The following TESC variants were observed in gnomAD, a reference collection of about 807,000 sequenced individuals.
The protein encoded by TESC is tescalcin.
Under a neutral mutation model 31.0 loss-of-function variants are expected in TESC, and 19 were observed. The ratio of observed to expected loss-of-function variants is 0.61; its 90% CI spans 0.43 to 0.90. TESC has a LOEUF of 0.90. TESC is among the 40% of genes least tolerant of loss of function. TESC has a pLI of 0.00. For synonymous variants in TESC, 109 were observed against 114.8 expected (o/e 0.95, Z 0.32); for missense variants, 248 against 303.8 (o/e 0.82, Z 1.36).
chr12:117,049,332 G>A (rs942928541), intron 3 of TESC, among the ~76,000 whole-genome samples, 174 bp from the exon 4 acceptor site: 6 of 152,196 alleles, frequency 3.9e-5, no homozygotes, highest in Admixed American at 2.0e-4. Flanking sequence ...TGCAGGCTCC[G>A]GAAGCTGAAA....
At chr12:117,063,006 C>T (rs1425295028) in intron 2 of TESC, among the ~76,000 whole-genome samples, 4 of 152,174 alleles carry the variant, frequency 2.6e-5, no homozygotes, top group South Asian at 4.1e-4. Context: ...AGGCCTCCTG[C>T]GGGAGAGCTT....
chr12:117,068,092 C>T (rs889291072), intron 2 of TESC, among the ~76,000 whole-genome samples: 8 of 152,186 alleles, frequency 5.3e-5, no homozygotes, highest in Admixed American at 5.2e-4. Context: ...CAGAGTCTCA[C>T]TGTGTTGCCC....
intron 1 of TESC, among the ~76,000 whole-genome samples, chr12:117,084,366 T>A (rs1275243612): frequency 6.6e-6 from 1 of 151,838 alleles, no homozygotes; most frequent in Non-Finnish European, 1.5e-5. Flanking sequence ...TGAACTGGAG[T>A]CCCACCCTGT....
chr12:117,084,990 C>G (rs1955197649), intron 1 of TESC, among the ~76,000 whole-genome samples: 1 of 152,252 alleles, frequency 6.6e-6, no homozygotes, highest in Admixed American at 6.5e-5. Context: ...CGCAGCCCCA[C>G]TCTGCTAGAA....
intron 2 of TESC, among the ~76,000 whole-genome samples, chr12:117,072,269 T>A (rs191030194): frequency 6.6e-6 from 1 of 152,194 alleles, no homozygotes; most frequent in African/African-American, 2.4e-5. Flanking sequence ...CACCTGCTTT[T>A]TTTTCCCCCT....
intron 1 of TESC, among the ~76,000 whole-genome samples, chr12:117,088,649 C>G (rs1401594835): frequency 6.6e-6 from 1 of 150,468 alleles, no homozygotes; most frequent in African/African-American, 2.5e-5. Flanking sequence ...CCACTGCACC[C>G]CAGCCTGGGC....
At chr12:117,066,671 A>G (rs1161248849) in intron 2 of TESC, among the ~76,000 whole-genome samples, 4 of 152,020 alleles carry the variant, frequency 2.6e-5, no homozygotes, top group African/African-American at 7.2e-5. Context: ...AGCCAACCTT[A>G]GTATATTGCT....
intron 4 of TESC, 151 bp downstream of exon 4, chr12:117,048,868 C>T (rs1436289218): frequency 1.6e-6 from 2 of 1,236,680 alleles, no homozygotes; most frequent in Admixed American, 2.0e-5. Context: ...ATGCCAGCCT[C>T]ACAGGGACGA....
At chr12:117,057,369 G>C (rs1954740416) in intron 2 of TESC, among the ~76,000 whole-genome samples, 1 of 152,202 alleles carries the variant, frequency 6.6e-6, no homozygotes, top group African/African-American at 2.4e-5. Flanking sequence ...CAAAGTGCTG[G>C]AGTTACAGGT....
chr12:117,051,158 A>G (rs1954642309), intron 3 of TESC, among the ~76,000 whole-genome samples: 1 of 152,156 alleles, frequency 6.6e-6, no homozygotes, highest in South Asian at 2.1e-4. Flanking sequence ...GTGCTTGGAT[A>G]TGTTACTTGG....
At chr12:117,054,036 G>C (rs1430498473) in intron 3 of TESC, 1 of 152,136 alleles carries the variant, frequency 6.6e-6, no homozygotes, top group Admixed American at 6.5e-5. Context: ...AGTCACTTAA[G>C]CTCCACAGGC....
intron 2 of TESC, among the ~76,000 whole-genome samples, chr12:117,065,744 C>T (rs1954869569): frequency 6.6e-6 from 1 of 152,030 alleles, no homozygotes; most frequent in Non-Finnish European, 1.5e-5. Flanking sequence ...CAAAAATTAG[C>T]CGGGTATGGT....
chr12:117,083,782 G>T (rs1955180394), intron 1 of TESC, among the ~76,000 whole-genome samples: 1 of 152,130 alleles, frequency 6.6e-6, no homozygotes, highest in Admixed American at 6.6e-5. Flanking sequence ...ATCCTTTTGG[G>T]GGTGATAAGT....
intron 4 of TESC, among the ~76,000 whole-genome samples, chr12:117,047,538 C>T (rs1051478892): frequency 3.9e-5 from 6 of 152,126 alleles, no homozygotes; most frequent in Admixed American, 1.3e-4. Context: ...GATTCTCCTG[C>T]TTCAGCCTCC....
At chr12:117,060,366 G>A (rs1304137169) in intron 2 of TESC, among the ~76,000 whole-genome samples, 3 of 152,116 alleles carry the variant, frequency 2.0e-5, no homozygotes, top group Non-Finnish European at 2.9e-5. Context: ...TGCATGTTCC[G>A]TCTGTCAAAG....
chr12:117,097,146 C>A (rs568037421), intron 1 of TESC, among the ~76,000 whole-genome samples: 9 of 152,336 alleles, frequency 5.9e-5, no homozygotes, highest in African/African-American at 2.2e-4. Flanking sequence ...CCGAATTACG[C>A]AGTCCCTTTC....
chr12:117,086,487 A>C (rs756692190), intron 1 of TESC, among the ~76,000 whole-genome samples: 37 of 152,204 alleles, frequency 2.4e-4, no homozygotes, highest in Non-Finnish European at 4.9e-4. Flanking sequence ...GATGGAGTGC[A>C]GTGGCACGAT....
chr12:117,076,233 A>G (rs1197988093), intron 1 of TESC, among the ~76,000 whole-genome samples: 2 of 151,726 alleles, frequency 1.3e-5, no homozygotes, highest in Non-Finnish European at 2.9e-5. Context: ...ATGAGTAGCG[A>G]GAGGAAATAA....
chr12:117,069,613 C>T (rs1171391985), intron 2 of TESC, among the ~76,000 whole-genome samples: 1 of 152,118 alleles, frequency 6.6e-6, no homozygotes, highest in Non-Finnish European at 1.5e-5. Flanking sequence ...TGAAGTGGGG[C>T]TTTCAATGCC....
Sources: gnomAD v4.1 joint callset for allele counts (sites outside exome capture counted in the v4.1 genomes callset) on GRCh38, gnomAD v4.1.1 for gene constraint, MANE v1.5 for transcripts, NCBI Gene and HGNC (gene_info 2026-07-23, HGNC 2026-07-21) for gene names.